Variants in TTC31 observed in about 807,000 individuals in gnomAD.
TTC31 encodes the protein tetratricopeptide repeat domain 31.
A neutral mutation model predicts 60.4 loss-of-function variants in TTC31; 59 were observed. The ratio of observed to expected loss-of-function variants is 0.98; its 90% CI spans 0.79 to 1.21. The LOEUF (loss-of-function observed/expected upper bound fraction) is 1.21. Ranked by LOEUF, TTC31 falls within the 50% of genes most tolerant of loss-of-function variation. The probability of loss-of-function intolerance (pLI) is 0.00; values close to 1 mark genes in which losing one functional copy is unlikely to be tolerated. For missense variants in TTC31, 672 were observed against 646.9 expected, an observed-to-expected ratio of 1.04 and a Z score of -0.42; for synonymous variants, 225 against 249.6, an observed-to-expected ratio of 0.90 and a Z score of 0.93.
chr2:74,490,292 G>A lies in TTC31; in HGVS notation c.281G>A (p.Ser94Asn), dbSNP rs1424762636. The A allele has an allele frequency of 6.2e-7, 1 of 1,614,050 alleles. No individual in the cohort carries two copies. Among genetic ancestry groups the A allele is most frequent in the Non-Finnish European group, 8.5e-7 (1 of 1,180,026 alleles). Residue 94 changes from serine (S) to asparagine (N), a missense_variant, in exon 4 of 13, where the codon AGT becomes AAT. Transcript: ENST00000233623. Reference protein sequence around the residue: ...LDDEGKSTGQSDRGKGAEGLG... With the variant: ...LDDEGKSTGQNDRGKGAEGLG... ...GATGAAGGGAAATCAACTGGACAGA[G>A]TGACAGGGGCAAGGGGGCTGAGGGA...
rs370280237 is a variant in TTC31, at chr2:74,492,723, C to T, written c.1239C>T (p.Arg413=). The T allele has an allele frequency of 2.0e-5, 33 of 1,614,066 alleles. No homozygotes were observed. Among genetic ancestry groups the T allele is most frequent in the Non-Finnish European group, 2.5e-5 (30 of 1,180,032 alleles). Residue 413 remains arginine (R), a synonymous_variant, in exon 12 of 13, where the codon CGC becomes CGT. Coordinates refer to ENST00000233623, the MANE Select transcript of TTC31 (RefSeq NM_022492.6). ...AGCCTGACGCAGCCCGAGAGCTCCG[C>T]TCTTGCCTTCTCCACCTCACACTGG... The part of the protein sequence containing the change: ...GSQPDAAREL[R]SCLLHLTLQG...
chr2:74,492,276 A>G (rs1558586316), intron 10 of TTC31, 28 bp from the exon 11 acceptor site: 11 of 1,608,978 alleles, frequency 6.8e-6, no homozygotes, highest in Non-Finnish European at 8.5e-6. Context: ...GAGGACTCAG[A>G]CCTTTGGCCA....
At chr2:74,489,670 G>C (rs374440169) in intron 2 of TTC31, among the ~76,000 whole-genome samples, 24 of 152,180 alleles carry the variant, frequency 1.6e-4, no homozygotes, top group South Asian at 8.3e-4. Context: ...TCATACTGCA[G>C]ATATGACAGG....
At position 74,491,177 on chromosome 2, in the gene TTC31, A is replaced by C; in HGVS notation, c.596A>C (p.Glu199Ala). The C allele has an allele frequency of 6.2e-7, 1 of 1,614,178 alleles. No individual in the cohort carries two copies. Among genetic ancestry groups the C allele is most frequent in the East Asian group, 2.2e-5 (1 of 44,890 alleles). ...RQERLEQYCG[E>A]PKASTTSDGD... ...GAGCGTTTGGAGCAGTACTGTGGGG[A>C]GCCCAAGGTGAGTATCTAGGGCAGG... Residue 199 changes from glutamate (E) to alanine (A), a missense_variant, in exon 6 of 13, where the codon GAG becomes GCG. Glu to Ala is a moderately radical substitution (Grantham distance 107, BLOSUM62 -1). Transcript: ENST00000233623.
rs1673683646 is a variant in TTC31 at position 74,490,259 on chromosome 2, A to G, written c.248A>G (p.His83Arg). The G allele has an allele frequency of 1.2e-6, 2 of 1,613,778 alleles. No homozygotes were observed. The highest frequency in any genetic ancestry group is 1.7e-6 in the Non-Finnish European group (2 of 1,179,906). The change falls in exon 4 of 13, where the codon CAC becomes CGC. Residue 83 changes from histidine to arginine, a missense_variant. By Grantham distance (29) the His-to-Arg change is conservative. Coordinates refer to ENST00000233623, the MANE Select transcript of TTC31 (RefSeq NM_022492.6). ...QLWHHDYLLG[H>R]LDDEGKSTGQ... ...CTCCTGACAGATTACCTCCTGGGCC[A>G]CTTGGATGATGAAGGGAAATCAACT...
chr2:74,483,932 ACT>A (rs775354419), intron 2 of TTC31, among the ~76,000 whole-genome samples: 20 of 144,256 alleles, frequency 1.4e-4, no homozygotes, highest in Non-Finnish European at 2.4e-4. Flanking sequence ...GAACGGTGAG[ACT>A]CTGTCTAAAA....
In TTC31 at chr2:74,490,235, T is replaced by A; in HGVS notation, c.233-9T>A. 1 of 1,613,244 alleles carries A rather than the reference T, an allele frequency of 6.2e-7. No individual in the cohort carries two copies. On this transcript the variant is annotated splice_polypyrimidine_tract_variant and intron_variant, in intron 3 of 12. Transcript: ENST00000233623. ...CCTTTCTTTCCTGTCTCTTTCTCCC[T>A]CCTGACAGATTACCTCCTGGGCCAC... is the stretch of plus-strand genomic sequence containing the variant.
chr2:74,490,502 T>TC (rs1232140431), intron 4 of TTC31, 29 bp downstream of exon 4: 1 of 1,566,250 alleles, frequency 6.4e-7, no homozygotes, highest in Non-Finnish European at 8.7e-7. Context: ...GGCTTTGCCG[T>TC]CCCCCAGGGT....
intron 1 of TTC31, 79 bp from the exon 2 acceptor site, chr2:74,483,243 G>A: frequency 2.5e-6 from 4 of 1,613,152 alleles, no homozygotes; most frequent in Non-Finnish European, 3.4e-6. Context: ...AGAGGGCGGA[G>A]AGTCGAGGGT....
chr2:74,483,280 G>A (rs1191227790), intron 1 of TTC31, 42 bp from the exon 2 acceptor site: 1 of 1,613,264 alleles, frequency 6.2e-7, no homozygotes, highest in Non-Finnish European at 8.5e-7. Flanking sequence ...TAGCCCATCT[G>A]TCCCGAGCCC....
chr2:74,484,802 T>C (rs950023758), intron 2 of TTC31, among the ~76,000 whole-genome samples: 1 of 152,172 alleles, frequency 6.6e-6, no homozygotes, highest in African/African-American at 2.4e-5. Flanking sequence ...TTTGGAAGCA[T>C]TGAGGCGCTA....
Position 74,490,222 on chromosome 2 carries a change from GTC to G in TTC31, c.233-18_233-17del, listed in dbSNP as rs762680919. 2.5e-6 allele frequency: 4 copies of G among 1,612,460 alleles called. No homozygotes were observed. The highest frequency in any genetic ancestry group is 3.4e-6 in the Non-Finnish European group (4 of 1,178,696). ...CCCGCTCTCATGTCCTTTCTTTCCT[GTC>G]TCTTTCTCCCTCCTGACAGATTACC... is the stretch of plus-strand genomic sequence containing the variant. On this transcript the variant is annotated intron_variant, in intron 3 of 12. Coordinates refer to ENST00000233623, the MANE Select transcript of TTC31 (RefSeq NM_022492.6).
Position 74,493,402 on chromosome 2 carries a change from T to A in TTC31, c.*184T>A. 1.6e-6 allele frequency: 1 copy of A among 616,112 alleles called. No homozygotes were observed. The highest frequency in any genetic ancestry group is 2.9e-5 in the East Asian group (1 of 34,688). 38.2% of individuals were successfully genotyped at this position (616,112 alleles called of 1,614,324 possible). A position where few individuals can be genotyped will look rare whatever the true frequency, so the allele number is the denominator to read the frequency against. Reference sequence around the variant, plus strand: ...TGAGAGAAAGGAGCCCCACATCCACTGAAACATCCTTTGGTTCTCAAGCTT... The same window carrying A: ...TGAGAGAAAGGAGCCCCACATCCACAGAAACATCCTTTGGTTCTCAAGCTT... On this transcript the variant is annotated 3_prime_UTR_variant, in exon 13 of 13. Transcript: ENST00000233623.
rs1558586962 is a variant in TTC31, at chr2:74,492,735, C to T, written c.1251C>T (p.Leu417=). The change falls in exon 12 of 13, where the codon CTC becomes CTT. Residue 417 remains leucine, a synonymous_variant. Coordinates refer to ENST00000233623, the MANE Select transcript of TTC31 (RefSeq NM_022492.6). The part of the protein sequence containing the change: ...DAARELRSCL[L]HLTLQGQRGG... Reference sequence around the variant, plus strand: ...CCCGAGAGCTCCGCTCTTGCCTTCTCCACCTCACACTGGTAAGGGGGCCAG... The same window carrying T: ...CCCGAGAGCTCCGCTCTTGCCTTCTTCACCTCACACTGGTAAGGGGGCCAG... 1.2e-6 allele frequency: 2 copies of T among 1,614,138 alleles called. No individual in the cohort carries two copies. Among genetic ancestry groups the T allele is most frequent in the Non-Finnish European group, 1.7e-6 (2 of 1,180,012 alleles).
At chr2:74,487,512 C>A (rs1344531957) in intron 2 of TTC31, among the ~76,000 whole-genome samples, 2 of 151,718 alleles carry the variant, frequency 1.3e-5, no homozygotes, top group Non-Finnish European at 2.9e-5. Flanking sequence ...GCCACTGCAC[C>A]CGGCTTTTTA....
chr2:74,492,609 AC>A, intron 11 of TTC31, 36 bp from the exon 12 acceptor site: 1 of 1,611,712 alleles, frequency 6.2e-7, no homozygotes. Context: ...GCACCTTGAC[AC>A]CTAATCTTTT....
chr2:74,489,962 C>T, intron 2 of TTC31, 63 bp from the exon 3 acceptor site: 2 of 1,196,566 alleles, frequency 1.7e-6, no homozygotes, highest in East Asian at 2.5e-5. Context: ...GCCAGCGAAG[C>T]CCTTGCTCTC....
At chr2:74,489,999 T>TC (rs71406875) in intron 2 of TTC31, 26 bp from the exon 3 acceptor site, 5 of 1,367,292 alleles carry the variant, frequency 3.7e-6, no homozygotes, top group Non-Finnish European at 3.0e-6. Flanking sequence ...AACACCAGCC[T>TC]CCCCTCCCCT....
chr2:74,492,765 A>C lies in TTC31; in HGVS notation c.1263+18A>C. 1 of 1,613,048 alleles carries C rather than the reference A, an allele frequency of 6.2e-7. No individual in the cohort carries two copies. ...TCACACTGGTAAGGGGGCCAGGCAC[A>C]CTGTCATGCTGAGGCGGGTATCAGG... On this transcript the variant is annotated intron_variant, in intron 12 of 12. Transcript: ENST00000233623.
Sources: gnomAD v4.1 joint callset for allele counts (sites outside exome capture counted in the v4.1 genomes callset) on GRCh38, gnomAD v4.1.1 for gene constraint, MANE v1.5 for transcripts, NCBI Gene and HGNC (gene_info 2026-07-23, HGNC 2026-07-21) for gene names.